DNER: variants seen among roughly 807,000 people sequenced by gnomAD.
DNER encodes delta and Notch-like epidermal growth factor-related receptor.
Under a neutral mutation model 78.2 loss-of-function variants are expected in DNER, and 33 were observed. The ratio of observed to expected loss-of-function variants is 0.42; its 90% confidence interval spans 0.32 to 0.56. The LOEUF is 0.56. DNER is among the 20% of genes least tolerant of loss of function. The pLI, the probability that DNER is intolerant of heterozygous loss-of-function variation, is 0.11. For synonymous variants in DNER, 417 were observed against 384.8 expected (o/e 1.08, Z -0.98); for missense variants, 918 against 975.3 (o/e 0.94, Z 0.78).
chr2:229,509,671 G>A (rs756687780), intron 6 of DNER, among the ~76,000 whole-genome samples: 32 of 152,140 alleles, frequency 2.1e-4, no homozygotes, highest in South Asian at 2.1e-4. Context: ...AAAATTACCC[G>A]GGCATGGTAG....
intron 6 of DNER, among the ~76,000 whole-genome samples, chr2:229,506,521 C>CTT (rs67766962): frequency 0.15 from 22,287 of 145,558 alleles, 2,137 homozygotes; most frequent in East Asian, 0.23. Flanking sequence ...CTTTTTTTTT[C>CTT]TTTTTTTTTT....
At chr2:229,468,125 C>T (rs1458597106) in intron 7 of DNER, among the ~76,000 whole-genome samples, 1 of 152,262 alleles carries the variant, frequency 6.6e-6, no homozygotes, top group Non-Finnish European at 1.5e-5. Flanking sequence ...ACCTAACCAA[C>T]TCCACCTTGC....
In DNER at chr2:229,538,880, T is replaced by C. The variant is rs145763768; in HGVS notation, c.993+8067A>G. Among the ~76,000 whole-genome samples, 829 of 152,292 alleles carry C rather than the reference T, an allele frequency of 5.4e-3. 3 individuals are homozygous for C. The highest frequency in any genetic ancestry group is 8.4e-3 in the Non-Finnish European group (569 of 68,026). ...TTATAATAAATTAGCCTCTTTTATCTGTAATAACACTTGCCACTGGTTTAT... is the reference window on the plus strand; with the variant it reads ...TTATAATAAATTAGCCTCTTTTATCCGTAATAACACTTGCCACTGGTTTAT... On this transcript the variant is annotated intron_variant, in intron 5 of 12. Coordinates refer to ENST00000341772, the MANE Select transcript of DNER (RefSeq NM_139072.4).
At position 229,618,974 on chromosome 2, in the gene DNER, C is replaced by T. The variant is rs78546935; in HGVS notation, c.277-27086G>A. Among the ~76,000 whole-genome samples the T allele has an allele frequency of 3.0e-3, 450 of 152,214 alleles. 2 individuals carry two copies. Among genetic ancestry groups the T allele is most frequent in the African/African-American group, 0.01 (426 of 41,522 alleles). Reference sequence around the variant, plus strand: ...TATAGCGAGACTCCCTCTACACCCACTCCTGCTGCCCATCTCTACAAAAAA... The same window carrying T: ...TATAGCGAGACTCCCTCTACACCCATTCCTGCTGCCCATCTCTACAAAAAA... On this transcript the variant is annotated intron_variant, in intron 1 of 12. Transcript: ENST00000341772.
At chr2:229,454,752 T>TG (rs1694535050) in intron 7 of DNER, among the ~76,000 whole-genome samples, 2 of 152,072 alleles carry the variant, frequency 1.3e-5, no homozygotes, top group Non-Finnish European at 2.9e-5. Flanking sequence ...TGCTTTTTCT[T>TG]ACCAATTCAA....
intron 1 of DNER, among the ~76,000 whole-genome samples, chr2:229,708,688 T>C (rs1209748369): frequency 6.6e-6 from 1 of 152,206 alleles, no homozygotes; most frequent in Non-Finnish European, 1.5e-5. Context: ...AATGAGAGCA[T>C]AAACAAAACC....
rs114536895 is a variant in DNER at position 229,711,710 on chromosome 2, T to C, written c.276+2438A>G. ...TGACGCTCTGTTAAAAGATCCTCTTTACATCCAGGTAAAATTCCATTTCCA... is the reference window on the plus strand; with the variant it reads ...TGACGCTCTGTTAAAAGATCCTCTTCACATCCAGGTAAAATTCCATTTCCA... On this transcript the variant is annotated intron_variant, in intron 1 of 12. Transcript: ENST00000341772. Among the ~76,000 whole-genome samples, 1,394 of 152,322 alleles carry C rather than the reference T, an allele frequency of 9.2e-3. 22 individuals carry two copies. Among genetic ancestry groups the C allele is most frequent in the African/African-American group, 0.032 (1,324 of 41,552 alleles).
At position 229,663,468 on chromosome 2, in the gene DNER, T is replaced by C. The variant is rs764642308; in HGVS notation, c.276+50680A>G. Among the ~76,000 whole-genome samples the C allele has an allele frequency of 1.4e-3, 211 of 152,342 alleles. 1 individual carries two copies. The highest frequency in any genetic ancestry group is 6.3e-3 in the Admixed American group (97 of 15,300). On this transcript the variant is annotated intron_variant, in intron 1 of 12. Coordinates refer to ENST00000341772, the MANE Select transcript of DNER (RefSeq NM_139072.4). ...CGAAGTGATTTCCGTGTCGCATTTC[T>C]GGGAGAATTATAATTTGACATACTT...
intron 4 of DNER, among the ~76,000 whole-genome samples, chr2:229,555,610 C>T (rs1696841766): frequency 6.6e-6 from 1 of 152,146 alleles, no homozygotes; most frequent in South Asian, 2.1e-4. Flanking sequence ...ACTGAAGCTT[C>T]CTTGATGGCA....
chr2:229,698,634 AG>A (rs1158048387), intron 1 of DNER, among the ~76,000 whole-genome samples: 6 of 152,204 alleles, frequency 3.9e-5, no homozygotes, highest in Non-Finnish European at 8.8e-5. Context: ...TATTTTCCTT[AG>A]GAGACAAAAA....
At chr2:229,695,854 T>A (rs774689308) in intron 1 of DNER, among the ~76,000 whole-genome samples, 1 of 152,106 alleles carries the variant, frequency 6.6e-6, no homozygotes, top group Admixed American at 6.5e-5. Context: ...GACCTGAGGA[T>A]GAAATTGTTT....
chr2:229,644,342 T>C (rs1420385773), intron 1 of DNER, among the ~76,000 whole-genome samples: 1 of 78,462 alleles, frequency 1.3e-5, no homozygotes, highest in Non-Finnish European at 2.5e-5. Context: ...CTCTTTTTTT[T>C]TTTTTTTTTT....
intron 4 of DNER, among the ~76,000 whole-genome samples, chr2:229,563,537 A>ATCATCC (rs144930560): frequency 1.6e-3 from 174 of 107,206 alleles, no homozygotes; most frequent in African/African-American, 4.4e-3. Flanking sequence ...CATCATCGTC[A>ATCATCC]TCACCCCATC....
chr2:229,372,587 T>A (rs1322302095), intron 11 of DNER, among the ~76,000 whole-genome samples: 1 of 152,160 alleles, frequency 6.6e-6, no homozygotes, highest in East Asian at 1.9e-4. Flanking sequence ...CTTGGGTCTT[T>A]AGTAACTTAT....
rs545502788 is a variant in DNER, at chr2:229,357,818, T to G, written c.*722A>C. ...CTCTTAGCAACAAACAACTCAAATGTAAATTTAATTTACTCACAATATAGA... is the reference window on the plus strand; with the variant it reads ...CTCTTAGCAACAAACAACTCAAATGGAAATTTAATTTACTCACAATATAGA... On this transcript the variant is annotated 3_prime_UTR_variant, in exon 13 of 13. Coordinates refer to ENST00000341772, the MANE Select transcript of DNER (RefSeq NM_139072.4). 3 of 152,446 alleles carry G rather than the reference T, an allele frequency of 2.0e-5. No individual in the cohort carries two copies. In the South Asian group the frequency reaches 6.2e-4, roughly 32 times the overall value. The allele number at this position is 152,446 out of a possible 1,614,324, so 9.4% of individuals were successfully genotyped here.
chr2:229,487,916 G>T (rs1179544907), intron 6 of DNER, among the ~76,000 whole-genome samples: 2 of 152,200 alleles, frequency 1.3e-5, no homozygotes, highest in African/African-American at 2.4e-5. Context: ...GGGAAACAAG[G>T]CTAGGCTAGG....
At chr2:229,548,888 C>T (rs1356374896) in intron 4 of DNER, among the ~76,000 whole-genome samples, 3 of 152,122 alleles carry the variant, frequency 2.0e-5, no homozygotes, top group Admixed American at 2.0e-4. Context: ...TTTAACTTTA[C>T]CCGATTTTAA....
At chr2:229,540,196 G>A (rs1161101152) in intron 5 of DNER, among the ~76,000 whole-genome samples, 1 of 152,150 alleles carries the variant, frequency 6.6e-6, no homozygotes, top group Non-Finnish European at 1.5e-5. Flanking sequence ...AAAAATAGTT[G>A]GGGAGGTGGA....
At chr2:229,678,830 G>T (rs566039293) in intron 1 of DNER, among the ~76,000 whole-genome samples, 155 of 152,308 alleles carry the variant, frequency 1.0e-3, no homozygotes, top group African/African-American at 3.7e-3. Context: ...AGGGGGAAGT[G>T]ATTGACAGAA....
Sources: gnomAD v4.1 joint callset for allele counts (sites outside exome capture counted in the v4.1 genomes callset) on GRCh38, gnomAD v4.1.1 for gene constraint, MANE v1.5 for transcripts, NCBI Gene and HGNC (gene_info 2026-07-23, HGNC 2026-07-21) for gene names.